COP1: variants seen among roughly 807,000 people sequenced by gnomAD.
The protein encoded by COP1 is COP1 E3 ubiquitin ligase.
Under a neutral mutation model 101.3 loss-of-function variants are expected in COP1, and 24 were observed. That is an observed-to-expected ratio of 0.24 (90% CI 0.17 to 0.33). COP1 has a LOEUF of 0.33. COP1 is among the 10% of genes least tolerant of loss of function. The pLI, the probability that COP1 is intolerant of heterozygous loss-of-function variation, is 1.00. For synonymous variants in COP1, 347 were observed against 341.9 expected, an observed-to-expected ratio of 1.01 and a Z score of -0.17; for missense variants, 663 against 906.2, an observed-to-expected ratio of 0.73 and a Z score of 3.45.
chr1:175,976,267 A>ATT (rs1225101059), intron 18 of COP1, among the ~76,000 whole-genome samples: 11 of 41,754 alleles, frequency 2.6e-4, no homozygotes, highest in Non-Finnish European at 6.7e-4. Context: ...TCAATTAGTC[A>ATT]TTCTTTTTTT....
intron 9 of COP1, among the ~76,000 whole-genome samples, chr1:176,092,969 A>T (rs1349400667): frequency 6.6e-6 from 1 of 152,212 alleles, no homozygotes; most frequent in African/African-American, 2.4e-5. Flanking sequence ...CAACTGAAAA[A>T]TTGTAGTATA....
intron 18 of COP1, among the ~76,000 whole-genome samples, chr1:175,965,991 A>C (rs1040335676): frequency 6.6e-6 from 1 of 152,212 alleles, no homozygotes; most frequent in Non-Finnish European, 1.5e-5. Context: ...GTGAGAGTCC[A>C]TACAAAGACA....
At chr1:176,096,998 T>C (rs1682519977) in intron 9 of COP1, among the ~76,000 whole-genome samples, 1 of 152,136 alleles carries the variant, frequency 6.6e-6, no homozygotes, top group Non-Finnish European at 1.5e-5. Flanking sequence ...CCTTTGCTAT[T>C]TGTTGATTCT....
intron 11 of COP1, among the ~76,000 whole-genome samples, chr1:176,071,845 G>A (rs561398913): frequency 6.6e-6 from 1 of 152,214 alleles, no homozygotes; most frequent in South Asian, 2.1e-4. Flanking sequence ...ATTAATGCTT[G>A]TTTTGTGGAT....
Position 176,079,814 on chromosome 1 carries a change from G to T in COP1, c.1277+1338C>A, listed in dbSNP as rs138992757. 2.6e-3 allele frequency among the ~76,000 whole-genome samples: 396 copies of T among 152,220 alleles called. 3 individuals carry two copies. The highest frequency in any genetic ancestry group is 9.1e-3 in the African/African-American group (378 of 41,536). On this transcript the variant is annotated intron_variant, in intron 11 of 19. Transcript: ENST00000367669. Reference sequence around the variant, plus strand: ...TGGGTGATGGTTATGTGAGGAATTAGTCCATTCTCTCCATTTTCCTGTATA... The same window carrying T: ...TGGGTGATGGTTATGTGAGGAATTATTCCATTCTCTCCATTTTCCTGTATA...
intron 14 of COP1, among the ~76,000 whole-genome samples, chr1:176,042,349 G>T (rs1238156726): frequency 1.3e-5 from 2 of 149,582 alleles, no homozygotes; most frequent in Non-Finnish European, 3.0e-5. Flanking sequence ...CAGATCACTT[G>T]AGGTCAGTTT....
At chr1:176,009,653 T>G (rs900912698) in intron 15 of COP1, among the ~76,000 whole-genome samples, 1 of 152,164 alleles carries the variant, frequency 6.6e-6, no homozygotes, top group African/African-American at 2.4e-5. Context: ...GAGTGGTGAC[T>G]TATTTTCAGC....
At chr1:176,050,570 T>A (rs1337491009) in intron 11 of COP1, among the ~76,000 whole-genome samples, 1 of 152,106 alleles carries the variant, frequency 6.6e-6, no homozygotes, top group African/African-American at 2.4e-5. Context: ...ACTAAAACTT[T>A]AAGGAAACAA....
chr1:176,151,401 GAAAGA>G, intron 5 of COP1, among the ~76,000 whole-genome samples: 1 of 131,314 alleles, frequency 7.6e-6, no homozygotes, highest in Non-Finnish European at 1.8e-5. Context: ...AAGAAAGAAA[GAAAGA>G]AAGAAAGAAA....
intron 11 of COP1, among the ~76,000 whole-genome samples, chr1:176,058,158 C>T (rs1267325782): frequency 1.2e-4 from 14 of 120,204 alleles, no homozygotes; most frequent in South Asian, 3.2e-4. Context: ...AGCCCCCGCC[C>T]GGCCAGCCGC....
At chr1:176,027,830 G>GTC (rs1667939648) in intron 14 of COP1, 142 bp from the exon 15 acceptor site, 1 of 595,240 alleles carries the variant, frequency 1.7e-6, no homozygotes, top group Non-Finnish European at 3.0e-6. Flanking sequence ...GACTAAAAGT[G>GTC]TTAAAGCTGA....
At chr1:176,169,305 A>T (rs1205397715) in intron 3 of COP1, among the ~76,000 whole-genome samples, 2 of 152,248 alleles carry the variant, frequency 1.3e-5, no homozygotes, top group Non-Finnish European at 2.9e-5. Context: ...CTAAGACTTC[A>T]TAAAATTATG....
At chr1:176,124,569 A>C (rs1429914732) in intron 8 of COP1, among the ~76,000 whole-genome samples, 1 of 152,086 alleles carries the variant, frequency 6.6e-6, no homozygotes, top group Non-Finnish European at 1.5e-5. Context: ...AATAACCTCC[A>C]GTTCTATCCA....
intron 15 of COP1, among the ~76,000 whole-genome samples, chr1:176,008,096 G>A (rs1182795139): frequency 1.3e-5 from 2 of 152,174 alleles, no homozygotes; most frequent in Non-Finnish European, 2.9e-5. Flanking sequence ...GGGTGGGAGT[G>A]ACCCGATTTT....
intron 9 of COP1, among the ~76,000 whole-genome samples, chr1:176,108,806 G>T (rs1394013425): frequency 6.6e-6 from 1 of 151,808 alleles, no homozygotes; most frequent in Non-Finnish European, 1.5e-5. Context: ...TACTCTATTT[G>T]GAGCTTTCAT....
intron 11 of COP1, among the ~76,000 whole-genome samples, chr1:176,073,386 G>C (rs1261781425): frequency 6.6e-6 from 1 of 152,080 alleles, no homozygotes; most frequent in African/African-American, 2.4e-5. Flanking sequence ...AAACTCTCTA[G>C]AGGTAGAATG....
chr1:176,105,240 T>C (rs1181104274), intron 9 of COP1, among the ~76,000 whole-genome samples: 1 of 152,074 alleles, frequency 6.6e-6, no homozygotes, highest in Non-Finnish European at 1.5e-5. Flanking sequence ...ATTTTTAGAA[T>C]CAGGGTAATA....
intron 18 of COP1, among the ~76,000 whole-genome samples, chr1:175,976,836 CTTAT>C (rs893634137): frequency 9.2e-5 from 14 of 152,252 alleles, no homozygotes; most frequent in African/African-American, 3.4e-4. Context: ...CATTGAACTT[CTTAT>C]TTATCAGGTT....
intron 8 of COP1, chr1:176,133,951 A>G (rs1689381341): frequency 6.8e-6 from 3 of 438,480 alleles, no homozygotes; most frequent in Non-Finnish European, 1.4e-5. Flanking sequence ...TGTTTCAAAG[A>G]AAGTAAAATA....
Sources: gnomAD v4.1 joint callset for allele counts (sites outside exome capture counted in the v4.1 genomes callset) on GRCh38, gnomAD v4.1.1 for gene constraint, MANE v1.5 for transcripts, NCBI Gene and HGNC (gene_info 2026-07-23, HGNC 2026-07-21) for gene names.